PCDHA2: variants seen among roughly 807,000 people sequenced by gnomAD.
The protein encoded by PCDHA2 is protocadherin alpha 2.
Under a neutral mutation model 66.0 loss-of-function variants are expected in PCDHA2, and 58 were observed. The observed-to-expected ratio is 0.88, with a 90% CI of 0.71 to 1.09. The LOEUF is 1.09. Among genes scored for constraint, PCDHA2 ranks in the 50% least tolerant of loss-of-function variants. The pLI, the probability that PCDHA2 is intolerant of heterozygous loss-of-function variation, is 0.00. For missense variants in PCDHA2, 1,267 were observed against 1,242.3 expected (o/e 1.02, Z -0.30); for synonymous variants, 634 against 554.0 (o/e 1.14, Z -2.03).
At chr5:140,874,625 T>C (rs1342932675) in intron 1 of PCDHA2, among the ~76,000 whole-genome samples, 3 of 152,238 alleles carry the variant, frequency 2.0e-5, no homozygotes, top group Admixed American at 6.5e-5. Flanking sequence ...ACATTTTACA[T>C]TAAAGTGCTT....
chr5:140,808,625 T>C (rs115173372), intron 1 of PCDHA2: 12 of 1,613,538 alleles, frequency 7.4e-6, no homozygotes, highest in East Asian at 2.2e-5. Flanking sequence ...TGTGTCTGCG[T>C]GGGACGCGGA....
At position 140,892,638 on chromosome 5, in the gene PCDHA2, T is replaced by C. The variant is rs151070567; in HGVS notation, c.2389-86311T>C. Among the ~76,000 whole-genome samples the C allele has an allele frequency of 1.2e-4, 19 of 152,324 alleles. No homozygotes were observed. The East Asian group carries it at 2.5e-3, about 20-fold the overall frequency. ...CCAGTTGGTACATAATAATTGTACA[T>C]ATTTATAGGATACAGAGTGACATTT... is the stretch of plus-strand genomic sequence containing the variant. On this transcript the variant is annotated intron_variant, in intron 1 of 3. Transcript: ENST00000526136.
rs1554214039 is a variant in PCDHA2 at position 140,941,214 on chromosome 5, C to CTTTCTTTCTTTCTTTCTTTCTTTCTTT, written c.2389-37735_2389-37734insTTTCTTTCTTTCTTTCTTTCTTTCTTT. ...TTTTTTCTTTCTTCCTTTCTTTCTTCCTTTCTTTCTTTCTTTCTTTCTTTC... is the reference window on the plus strand; with the variant it reads ...TTTTTTCTTTCTTCCTTTCTTTCTTCTTTCTTTCTTTCTTTCTTTCTTTCTTTCTTTCTTTCTTTCTTTCTTTCTTTC... On this transcript the variant is annotated intron_variant, in intron 1 of 3. Coordinates refer to ENST00000526136, the MANE Select transcript of PCDHA2 (RefSeq NM_018905.3). Among the ~76,000 whole-genome samples the CTTTCTTTCTTTCTTTCTTTCTTTCTTT allele has an allele frequency of 4.7e-4, 57 of 122,484 alleles. 1 individual carries two copies. The highest frequency in any genetic ancestry group is 1.6e-3 in the East Asian group (7 of 4,322). The allele number at this position is 122,484 out of a possible 152,430, so 80.4% of individuals were successfully genotyped here.
intron 1 of PCDHA2, among the ~76,000 whole-genome samples, chr5:140,892,705 T>C (rs1395351366): frequency 6.6e-6 from 1 of 152,210 alleles, no homozygotes; most frequent in Non-Finnish European, 1.5e-5. Flanking sequence ...TCAGGGTAAT[T>C]AGCATATTCA....
intron 1 of PCDHA2, chr5:140,870,475 G>A (rs1554164304): frequency 1.2e-6 from 2 of 1,614,096 alleles, no homozygotes; most frequent in Admixed American, 1.7e-5. Context: ...CGCACAGCCC[G>A]AGTACACCGT....
At position 140,897,120 on chromosome 5, in the gene PCDHA2, C is replaced by T. The variant is rs116233032; in HGVS notation, c.2389-81829C>T. Among the ~76,000 whole-genome samples, 1,215 of 152,248 alleles carry T rather than the reference C, an allele frequency of 8.0e-3. 5 individuals are homozygous for T. The highest frequency in any genetic ancestry group is 0.019 in the African/African-American group (784 of 41,540). On this transcript the variant is annotated intron_variant, in intron 1 of 3. Coordinates refer to ENST00000526136, the MANE Select transcript of PCDHA2 (RefSeq NM_018905.3). ...TAAAAATCTCCACTTTCTGTCCACA[C>T]CCCACTAAACTTTCTAGCCTTTGTT... is the stretch of plus-strand genomic sequence containing the variant.
chr5:140,905,611 T>A (rs1396340503), intron 1 of PCDHA2, among the ~76,000 whole-genome samples: 1 of 152,224 alleles, frequency 6.6e-6, no homozygotes, highest in African/African-American at 2.4e-5. Flanking sequence ...ATTGAATCTA[T>A]AGATTGCTTT....
intron 1 of PCDHA2, chr5:140,853,549 T>C: frequency 1.0e-6 from 1 of 979,350 alleles, no homozygotes; most frequent in South Asian, 4.8e-5. Flanking sequence ...TTGTAATTAC[T>C]ATATAGGAAA....
chr5:140,928,829 T>C, intron 1 of PCDHA2: 1 of 1,614,170 alleles, frequency 6.2e-7, no homozygotes, highest in Non-Finnish European at 8.5e-7. Context: ...GACCCACCAC[T>C]TTCCTCCTCT....
intron 1 of PCDHA2, chr5:140,876,551 A>C: frequency 6.2e-7 from 1 of 1,614,184 alleles, no homozygotes; most frequent in Non-Finnish European, 8.5e-7. Flanking sequence ...CTCCCTGTGC[A>C]AGAGGATGCT....
intron 1 of PCDHA2, chr5:140,802,424 G>A: frequency 6.2e-7 from 1 of 1,614,218 alleles, no homozygotes; most frequent in South Asian, 1.1e-5. Flanking sequence ...CATTGGTGCT[G>A]GACAGCCCTC....
intron 1 of PCDHA2, chr5:140,928,717 T>C: frequency 6.2e-7 from 1 of 1,614,208 alleles, no homozygotes; most frequent in Non-Finnish European, 8.5e-7. Context: ...CTCTAGTCTC[T>C]TTAGAATTTC....
intron 1 of PCDHA2, among the ~76,000 whole-genome samples, chr5:140,940,750 G>A (rs1274521070): frequency 2.6e-5 from 4 of 152,136 alleles, no homozygotes; most frequent in Non-Finnish European, 5.9e-5. Context: ...TTTTATGTGT[G>A]CCAACTTTTA....
chr5:140,928,836 C>G, intron 1 of PCDHA2: 2 of 1,614,168 alleles, frequency 1.2e-6, no homozygotes, highest in South Asian at 2.2e-5. Context: ...CACTTTCCTC[C>G]TCTGTCACTC....
At position 140,928,807 on chromosome 5, in the gene PCDHA2, C is replaced by T. The variant is rs782261335; in HGVS notation, c.2389-50142C>T. 6.2e-6 allele frequency: 10 copies of T among 1,614,094 alleles called. No homozygotes were observed. Among genetic ancestry groups the T allele is most frequent in the Non-Finnish European group, 8.5e-6 (10 of 1,180,020 alleles). On this transcript the variant is annotated intron_variant, in intron 1 of 3. Coordinates refer to ENST00000526136, the MANE Select transcript of PCDHA2 (RefSeq NM_018905.3). ...TAAGCAGAGGGTGGTGGTAGTGGTT[C>T]GGGACCATGGAGACCCACCACTTTC...
At chr5:140,849,862 C>G in intron 1 of PCDHA2, 1 of 1,598,598 alleles carries the variant, frequency 6.3e-7, no homozygotes, top group Non-Finnish European at 8.6e-7. Flanking sequence ...CCAGCGTTCG[C>G]GCAGTCCGAG....
chr5:140,834,264 C>G lies in PCDHA2; in HGVS notation c.2388+36912C>G. ...TCGCACTGGAAAGACGCTCCACTCT[C>G]TTTCACTCTTTGGATGCACAACAAT... On this transcript the variant is annotated intron_variant, in intron 1 of 3. Transcript: ENST00000526136. The G allele has an allele frequency of 6.9e-6, 7 of 1,010,524 alleles. No individual in the cohort carries two copies. In the South Asian group the frequency reaches 9.7e-5, roughly 14 times the overall value. The allele number at this position is 1,010,524 out of a possible 1,614,324, so 62.6% of individuals were successfully genotyped here. A position where few individuals can be genotyped will look rare whatever the true frequency, so the allele number is the denominator to read the frequency against.
intron 1 of PCDHA2, among the ~76,000 whole-genome samples, chr5:140,959,348 G>A (rs991931151): frequency 7.2e-5 from 11 of 151,992 alleles, no homozygotes; most frequent in Middle Eastern, 6.3e-3. Flanking sequence ...GCACTCCAGC[G>A]GGACAACTGA....
chr5:140,997,713 T>C (rs2097782364), intron 3 of PCDHA2, among the ~76,000 whole-genome samples: 1 of 151,942 alleles, frequency 6.6e-6, no homozygotes, highest in African/African-American at 2.4e-5. Flanking sequence ...AACAAACACC[T>C]TTCTACGTCA....
Sources: gnomAD v4.1 joint callset for allele counts (sites outside exome capture counted in the v4.1 genomes callset) on GRCh38, gnomAD v4.1.1 for gene constraint, MANE v1.5 for transcripts, NCBI Gene and HGNC (gene_info 2026-07-23, HGNC 2026-07-21) for gene names.